DOP1B: variants seen among roughly 807,000 people sequenced by gnomAD.
DOP1B encodes the protein DOP1 leucine zipper like protein B.
Under a neutral mutation model 233.5 loss-of-function variants are expected in DOP1B, and 174 were observed. The ratio of observed to expected loss-of-function variants is 0.75; its 90% CI spans 0.66 to 0.85. The LOEUF is 0.85. Among genes scored for constraint, DOP1B ranks in the 40% least tolerant of loss-of-function variants. The pLI, the probability that DOP1B is intolerant of heterozygous loss-of-function variation, is 0.00. For synonymous variants in DOP1B, 1,190 were observed against 1,185.6 expected (o/e 1.00, Z -0.08); for missense variants, 2,652 against 2,846.6 (o/e 0.93, Z 1.56).
chr21:36,204,960 A>G (rs570606562), intron 4 of DOP1B, among the ~76,000 whole-genome samples: 208 of 151,584 alleles, frequency 1.4e-3, no homozygotes, highest in African/African-American at 4.8e-3. Context: ...CAGCACCAAC[A>G]TTTCTTTTGG....
rs2067062719 is a variant in DOP1B at position 36,253,901 on chromosome 21, G to T, written c.5251G>T (p.Gly1751Cys). The T allele has an allele frequency of 6.2e-7, 1 of 1,613,586 alleles. No individual in the cohort carries two copies. The highest frequency in any genetic ancestry group is 1.1e-5 in the South Asian group (1 of 91,064). Reference protein sequence around the residue: ...VVKRPPQVKGGDEKSPLVDIP... With the variant: ...VVKRPPQVKGCDEKSPLVDIP... Reference sequence around the variant, plus strand: ...GAAGAGGCCACCCCAAGTCAAAGGGGGTGATGAGGTGAGGAGCCTGGGGAA... The same window carrying T: ...GAAGAGGCCACCCCAAGTCAAAGGGTGTGATGAGGTGAGGAGCCTGGGGAA... Residue 1751 changes from glycine to cysteine, a missense_variant, in exon 23 of 37, where the codon GGT (glycine) becomes TGT (cysteine). Physicochemically the swap from Gly to Cys is radical, Grantham distance 159 (BLOSUM62 -3). This residue lies in a region of DOP1B where 2,617 missense variants were observed against 2,794.3 expected (regional missense o/e 0.94). Transcript: ENST00000691173.
In DOP1B at chr21:36,200,385, G is replaced by T. The variant is rs145005014; in HGVS notation, c.375G>T (p.Leu125=). The T allele has an allele frequency of 1.0e-4, 163 of 1,613,484 alleles. No homozygotes were observed. The African/African-American group carries it at 1.9e-3, about 19-fold the overall frequency. Residue 125 remains leucine, a synonymous_variant, in exon 4 of 37, where the codon CTG becomes CTT. Transcript: ENST00000691173. ...CGGCGGTGTCGGTGAGGCCGGTGCT[G>T]CTCACCCTGTACGAGAAGTACTTCC... ...AHAAVSVRPV[L]LTLYEKYFLP...
intron 24 of DOP1B, 79 bp downstream of exon 24, chr21:36,260,811 T>G (rs2067161006): frequency 6.3e-7 from 1 of 1,586,172 alleles, no homozygotes; most frequent in African/African-American, 1.4e-5. Context: ...AAATATCTGG[T>G]TTTATTTCTA....
Position 36,248,569 on chromosome 21 carries a change from G to A in DOP1B, c.4998+1G>A. 1 of 1,603,146 alleles carries A rather than the reference G, an allele frequency of 6.2e-7. No homozygotes were observed. The highest frequency in any genetic ancestry group is 8.5e-7 in the Non-Finnish European group (1 of 1,175,208). On this transcript the variant is annotated splice_donor_variant, in intron 21 of 36. Coordinates refer to ENST00000691173, the MANE Select transcript of DOP1B (RefSeq NM_001320714.2). LOFTEE classifies it high-confidence loss of function. The stretch of plus-strand genomic sequence containing the variant: ...TTCCGTTTACTTTAAAACCACCAAA[G>A]TAAGAGGATGTCTCTGTAGTTCTGT...
chr21:36,292,256 C>CTTTTTTTT (rs55884666), intron 36 of DOP1B, 23 bp downstream of exon 36: 33 of 1,335,500 alleles, frequency 2.5e-5, no homozygotes, highest in Admixed American at 8.3e-5. Context: ...CTTTTCTTTT[C>CTTTTTTTT]TTTTTTTTTT....
intron 2 of DOP1B, among the ~76,000 whole-genome samples, chr21:36,198,443 GA>G (rs551457044): frequency 1.1e-4 from 16 of 149,186 alleles, no homozygotes; most frequent in East Asian, 2.0e-4. Flanking sequence ...AAAAAAAAAA[GA>G]AAAAAAAAGA....
chr21:36,162,772 T>G (rs2065879731), intron 1 of DOP1B, among the ~76,000 whole-genome samples: 1 of 152,090 alleles, frequency 6.6e-6, no homozygotes, highest in Non-Finnish European at 1.5e-5. Flanking sequence ...CTCAAACATC[T>G]GACCTCAAGT....
At chr21:36,283,666 C>T (rs1410054882) in intron 32 of DOP1B, among the ~76,000 whole-genome samples, 2 of 152,142 alleles carry the variant, frequency 1.3e-5, no homozygotes, top group Non-Finnish European at 2.9e-5. Flanking sequence ...TGTCAGCTCT[C>T]CAAAGACTGT....
intron 26 of DOP1B, 47 bp from the exon 27 acceptor site, chr21:36,269,966 C>T (rs1354628001): frequency 6.2e-7 from 1 of 1,602,976 alleles, no homozygotes; most frequent in Non-Finnish European, 8.5e-7. Context: ...ACTTAACATT[C>T]TTTTCCTTAA....
At chr21:36,233,147 G>A in intron 15 of DOP1B, 72 bp downstream of exon 15, 1 of 1,529,274 alleles carries the variant, frequency 6.5e-7, no homozygotes, top group Non-Finnish European at 8.8e-7. Flanking sequence ...CCGTATTGCT[G>A]GGGATGGGGG....
Position 36,260,746 on chromosome 21 carries a change from C to T in DOP1B, c.5315+14C>T. On this transcript the variant is annotated intron_variant, in intron 24 of 36. Coordinates refer to ENST00000691173, the MANE Select transcript of DOP1B (RefSeq NM_001320714.2). ...TTTTCTCCAAAGGTAATACAGTCCC[C>T]CGTCCTCCAAAAACTTCCTTAAATA... 6.2e-7 allele frequency: 1 copy of T among 1,613,618 alleles called. No homozygotes were observed. The highest frequency in any genetic ancestry group is 8.5e-7 in the Non-Finnish European group (1 of 1,179,846).
intron 6 of DOP1B, 31 bp from the exon 7 acceptor site, chr21:36,211,943 C>A (rs371224012): frequency 1.2e-6 from 2 of 1,613,442 alleles, no homozygotes; most frequent in African/African-American, 2.7e-5. Context: ...CTATCATTCC[C>A]TTGCAGTAAA....
chr21:36,234,522 AC>A (rs2066804398), intron 15 of DOP1B, among the ~76,000 whole-genome samples: 1 of 150,846 alleles, frequency 6.6e-6, no homozygotes, highest in African/African-American at 2.4e-5. Flanking sequence ...TCAAGTACTT[AC>A]CATTTGCCTG....
At chr21:36,158,351 C>T (rs2065838952) in intron 1 of DOP1B, among the ~76,000 whole-genome samples, 1 of 152,152 alleles carries the variant, frequency 6.6e-6, no homozygotes, top group Admixed American at 6.5e-5. Context: ...TTATCAGTAG[C>T]ATAATGTAGT....
intron 13 of DOP1B, among the ~76,000 whole-genome samples, chr21:36,228,841 T>G (rs1322983034): frequency 6.6e-6 from 1 of 151,608 alleles, no homozygotes; most frequent in South Asian, 2.1e-4. Context: ...CATGGTGGTG[T>G]TCACCTGTAG....
chr21:36,248,570 T>G lies in DOP1B; in HGVS notation c.4998+2T>G. The stretch of plus-strand genomic sequence containing the variant: ...TCCGTTTACTTTAAAACCACCAAAG[T>G]AAGAGGATGTCTCTGTAGTTCTGTC... On this transcript the variant is annotated splice_donor_variant, in intron 21 of 36. Coordinates refer to ENST00000691173, the MANE Select transcript of DOP1B (RefSeq NM_001320714.2). LOFTEE classifies it high-confidence loss of function. The G allele has an allele frequency of 6.2e-7, 1 of 1,603,180 alleles. No individual in the cohort carries two copies. Among genetic ancestry groups the G allele is most frequent in the Non-Finnish European group, 8.5e-7 (1 of 1,175,234 alleles).
At chr21:36,182,182 C>T (rs953175955) in intron 2 of DOP1B, among the ~76,000 whole-genome samples, 5 of 152,132 alleles carry the variant, frequency 3.3e-5, no homozygotes, top group African/African-American at 1.2e-4. Context: ...GGAATTGGAG[C>T]ACCTGGGGTC....
chr21:36,278,099 G>A lies in DOP1B; in HGVS notation c.5822+15G>A, dbSNP rs753890263. The A allele has an allele frequency of 8.7e-6, 14 of 1,613,202 alleles. No homozygotes were observed. The highest frequency in any genetic ancestry group is 3.3e-5 in the Admixed American group (2 of 59,960). On this transcript the variant is annotated intron_variant, in intron 29 of 36. Transcript: ENST00000691173. The stretch of plus-strand genomic sequence containing the variant: ...CGCAACCACAGGTAACGTCATCTTC[G>A]CCATTTCTTCCCACCCATATGCAGA...
At chr21:36,278,452 C>G (rs2067379677) in intron 30 of DOP1B, 97 bp downstream of exon 30, 1 of 1,355,610 alleles carries the variant, frequency 7.4e-7, no homozygotes, top group African/African-American at 1.5e-5. Context: ...AGAAGCAGAG[C>G]CATAGGATCA....
Sources: gnomAD v4.1 joint callset for allele counts (sites outside exome capture counted in the v4.1 genomes callset) on GRCh38, gnomAD v4.1.1 for gene constraint, gnomAD v4.1.1 regional missense constraint, MANE v1.5 for transcripts, NCBI Gene and HGNC (gene_info 2026-07-23, HGNC 2026-07-21) for gene names.